Variants in SYPL2 observed in about 807,000 individuals in gnomAD.
The protein encoded by SYPL2 is synaptophysin like 2.
A neutral mutation model predicts 31.3 loss-of-function variants in SYPL2; 24 were observed. The observed-to-expected ratio is 0.77, with a 90% CI of 0.56 to 1.08. The LOEUF (loss-of-function observed/expected upper bound fraction) is 1.08. SYPL2 is among the 50% of genes least tolerant of loss of function. SYPL2 has a pLI of 0.00. For synonymous variants in SYPL2, 144 were observed against 143.1 expected (o/e 1.01, Z -0.05); for missense variants, 342 against 360.1 (o/e 0.95, Z 0.41).
At chr1:109,479,063 C>T (rs980199024) in intron 5 of SYPL2, among the ~76,000 whole-genome samples, 4 of 152,238 alleles carry the variant, frequency 2.6e-5, no homozygotes, top group Admixed American at 6.5e-5. Flanking sequence ...GTGGGAGGCG[C>T]CCCAGGGCTG....
intron 2 of SYPL2, among the ~76,000 whole-genome samples, chr1:109,468,303 A>G (rs560702166): frequency 5.3e-5 from 8 of 152,248 alleles, no homozygotes; most frequent in Non-Finnish European, 1.0e-4. Flanking sequence ...TGAGTTCTAC[A>G]GGGCTTTGGA....
chr1:109,468,179 A>G (rs1448312944), intron 2 of SYPL2, among the ~76,000 whole-genome samples: 1 of 152,258 alleles, frequency 6.6e-6, no homozygotes, highest in Non-Finnish European at 1.5e-5. Context: ...CTATTGCAGA[A>G]GAGATTTTAA....
Position 109,466,866 on chromosome 1 carries a change from G to A in SYPL2, c.23G>A (p.Gly8Asp). ...AGCATGTCCTCGACCGAGAGCGCCG[G>A]CCGCACGGCGGACAAGTCGCCGCGC... MSSTESA[G>D]RTADKSPRQQ... Residue 8 changes from glycine to aspartate, a missense_variant, in exon 1 of 6, where the codon GGC becomes GAC. Transcript: ENST00000369872. 1 of 1,528,672 alleles carries A rather than the reference G, an allele frequency of 6.5e-7. No homozygotes were observed. Among genetic ancestry groups the A allele is most frequent in the South Asian group, 1.2e-5 (1 of 83,646 alleles). 94.7% of individuals were successfully genotyped at this position (1,528,672 alleles called of 1,614,324 possible).
chr1:109,479,438 A>G lies in SYPL2; in HGVS notation c.709A>G (p.Thr237Ala). 1.2e-6 allele frequency: 2 copies of G among 1,613,876 alleles called. No individual in the cohort carries two copies. The highest frequency in any genetic ancestry group is 1.1e-5 in the South Asian group (1 of 91,056). Reference protein sequence around the residue: ...AGNCWFVFKETPWHGQGQGQD... With the variant: ...AGNCWFVFKEAPWHGQGQGQD... ...GAACTGTTGGTTTGTGTTCAAGGAG[A>G]CCCCGTGGCATGGACAGGGCCAGGG... The change falls in exon 6 of 6, where the codon ACC (threonine) becomes GCC (alanine). Residue 237 changes from threonine to alanine, a missense_variant. Thr to Ala is a moderately conservative substitution (Grantham distance 58). Transcript: ENST00000369872.
At chr1:109,476,662 A>T in intron 3 of SYPL2, 114 bp from the exon 4 acceptor site, 1 of 1,065,294 alleles carries the variant, frequency 9.4e-7, no homozygotes, top group Non-Finnish European at 1.4e-6. Flanking sequence ...TCCTTACATG[A>T]CCCCTTTCTT....
chr1:109,474,164 G>C (rs1335074981), intron 2 of SYPL2, among the ~76,000 whole-genome samples: 2 of 152,156 alleles, frequency 1.3e-5, no homozygotes, highest in East Asian at 3.8e-4. Flanking sequence ...AAGATACAGA[G>C]AGTGAACAAT....
At chr1:109,474,664 G>A (rs186342704) in intron 2 of SYPL2, among the ~76,000 whole-genome samples, 1 of 152,256 alleles carries the variant, frequency 6.6e-6, no homozygotes, top group East Asian at 1.9e-4. Flanking sequence ...TCTAACCAAA[G>A]TGTGTTTCCC....
chr1:109,476,151 A>G (rs546072420), intron 3 of SYPL2, among the ~76,000 whole-genome samples: 109 of 152,308 alleles, frequency 7.2e-4, no homozygotes, highest in Non-Finnish European at 1.1e-3. Flanking sequence ...AAGTGGGCAC[A>G]CCTTGACAGG....
At position 109,476,764 on chromosome 1, in the gene SYPL2, T is replaced by C. The variant is rs773935353; in HGVS notation, c.255-12T>C. The stretch of plus-strand genomic sequence containing the variant: ...TGCCTGAGCTCAGGATGGCCTCCCC[T>C]GCCACCTGCAGGTTGCACCGGATCC... On this transcript the variant is annotated splice_polypyrimidine_tract_variant and intron_variant, in intron 3 of 5. Coordinates refer to ENST00000369872, the MANE Select transcript of SYPL2 (RefSeq NM_001040709.2). 1.2e-6 allele frequency: 2 copies of C among 1,613,528 alleles called. No homozygotes were observed. Among genetic ancestry groups the C allele is most frequent in the South Asian group, 2.2e-5 (2 of 90,982 alleles).
In SYPL2 at chr1:109,476,950, C is replaced by T. The variant is rs534389644; in HGVS notation, c.429C>T (p.Tyr143=). 6.2e-7 allele frequency: 1 copy of T among 1,614,242 alleles called. No homozygotes were observed. The highest frequency in any genetic ancestry group is 1.1e-5 in the South Asian group (1 of 91,080). The change falls in exon 4 of 6, where the codon TAC becomes TAT. Residue 143 remains tyrosine, a synonymous_variant. Transcript: ENST00000369872. ...TCTACCTGCGCTTCCACAACCTCTACACAGAGAACAAACGCTTCCCGCTGG... is the reference window on the plus strand; with the variant it reads ...TCTACCTGCGCTTCCACAACCTCTATACAGAGAACAAACGCTTCCCGCTGG... ...LVIYLRFHNL[Y]TENKRFPLVD...
chr1:109,476,970 C>T lies in SYPL2; in HGVS notation c.449C>T (p.Pro150Leu), dbSNP rs200904754. Residue 150 changes from proline (P) to leucine (L), a missense_variant, in exon 4 of 6, where the codon CCG (proline) becomes CTG (leucine). Pro to Leu is a moderately conservative substitution (Grantham distance 98). Transcript: ENST00000369872. ...HNLYTENKRF[P>L]LVDFCVTVSF... is the part of the protein sequence containing the mutation. ...CTCTACACAGAGAACAAACGCTTCC[C>T]GCTGGTGGTGAGTCAGCACAGGCCA... 8 of 1,614,182 alleles carry T rather than the reference C, an allele frequency of 5.0e-6. No individual in the cohort carries two copies. Among genetic ancestry groups the T allele is most frequent in the Admixed American group, 3.3e-5 (2 of 60,032 alleles).
At chr1:109,476,522 A>C (rs531671389) in intron 3 of SYPL2, among the ~76,000 whole-genome samples, 1 of 151,950 alleles carries the variant, frequency 6.6e-6, no homozygotes, top group Non-Finnish European at 1.5e-5. Context: ...TTGGGAATAC[A>C]TGGTCACCAT....
chr1:109,479,628 C>T lies in SYPL2; in HGVS notation c.*80C>T, dbSNP rs1656108046. On this transcript the variant is annotated 3_prime_UTR_variant, in exon 6 of 6. Coordinates refer to ENST00000369872, the MANE Select transcript of SYPL2 (RefSeq NM_001040709.2). ...GGCTTCCAGGACCTTTCTCTTCCTCCTCCTCCAATTCCCCTCCCCCATCAT... is the reference window on the plus strand; with the variant it reads ...GGCTTCCAGGACCTTTCTCTTCCTCTTCCTCCAATTCCCCTCCCCCATCAT... 1.3e-6 allele frequency: 2 copies of T among 1,538,930 alleles called. No homozygotes were observed. The highest frequency in any genetic ancestry group is 1.8e-6 in the Non-Finnish European group (2 of 1,138,954).
chr1:109,467,097 G>A lies in SYPL2; in HGVS notation c.93G>A (p.Leu31=), dbSNP rs2100997358. ...TCGTGGGGCTGCGCTGGCGGCGGCT[G>A]GAGGAGCCGCTGGGCTTCATCAAAG... is the stretch of plus-strand genomic sequence containing the variant. ...RLLVGLRWRR[L]EEPLGFIKVL... The change falls in exon 2 of 6, where the codon CTG becomes CTA. Residue 31 remains leucine (L), a synonymous_variant. Coordinates refer to ENST00000369872, the MANE Select transcript of SYPL2 (RefSeq NM_001040709.2). 6.5e-7 allele frequency: 1 copy of A among 1,545,130 alleles called. No homozygotes were observed. Among genetic ancestry groups the A allele is most frequent in the Non-Finnish European group, 8.7e-7 (1 of 1,145,984 alleles).
rs576899353 is a variant in SYPL2, at chr1:109,474,505, T to G, written c.130-1076T>G. 5.9e-5 allele frequency among the ~76,000 whole-genome samples: 9 copies of G among 152,006 alleles called. No homozygotes were observed. The East Asian group carries it at 1.5e-3, about 26-fold the overall frequency. ...GGCATGCGACACTCTACCGCCAGGC[T>G]GATTTTTGTATTTTTAGTAGATATG... On this transcript the variant is annotated intron_variant, in intron 2 of 5. Coordinates refer to ENST00000369872, the MANE Select transcript of SYPL2 (RefSeq NM_001040709.2).
chr1:109,471,516 G>C (rs1179307264), intron 2 of SYPL2, among the ~76,000 whole-genome samples: 1 of 152,120 alleles, frequency 6.6e-6, no homozygotes, highest in African/African-American at 2.4e-5. Flanking sequence ...TGCTCTCTAA[G>C]ATAGTACCTG....
At chr1:109,467,769 G>A (rs1257871826) in intron 2 of SYPL2, among the ~76,000 whole-genome samples, 8 of 152,176 alleles carry the variant, frequency 5.3e-5, no homozygotes, top group Non-Finnish European at 1.2e-4. Flanking sequence ...TCACGGCATG[G>A]CTAAAATGTG....
intron 2 of SYPL2, among the ~76,000 whole-genome samples, chr1:109,468,489 G>T (rs1655726144): frequency 6.6e-6 from 1 of 152,196 alleles, no homozygotes; most frequent in Non-Finnish European, 1.5e-5. Context: ...CTCAAGAGTG[G>T]TTAGACCAAT....
chr1:109,466,768 G>T lies in SYPL2; in HGVS notation c.-76G>T. The T allele has an allele frequency of 7.0e-7, 1 of 1,420,314 alleles. No individual in the cohort carries two copies. The highest frequency in any genetic ancestry group is 9.2e-7 in the Non-Finnish European group (1 of 1,091,952). 88.0% of individuals were successfully genotyped at this position (1,420,314 alleles called of 1,614,324 possible). A position where few individuals can be genotyped will look rare whatever the true frequency, so the allele number is the denominator to read the frequency against. On this transcript the variant is annotated 5_prime_UTR_variant, in exon 1 of 6. Coordinates refer to ENST00000369872, the MANE Select transcript of SYPL2 (RefSeq NM_001040709.2). ...CTCTGCCCCGGACCTGCAGCTCCCC[G>T]CTCCCCCGCCGTGTCCGCCGCCTCC...
Sources: allele counts gnomAD v4.1 joint callset (sites outside exome capture counted in the v4.1 genomes callset), GRCh38; gene constraint gnomAD v4.1.1; transcripts MANE v1.5; gene names NCBI Gene and HGNC (gene_info 2026-07-23, HGNC 2026-07-21).